Variants in STYXL2 observed in about 807,000 individuals in gnomAD.
The protein encoded by STYXL2 is serine/threonine/tyrosine interacting like 2, also known as serine/threonine/tyrosine-interacting-like protein 2.
In STYXL2, 44 loss-of-function variants were observed where a neutral mutation model predicts 52.4. The observed-to-expected ratio is 0.84, with a 90% CI of 0.66 to 1.08. STYXL2 has a LOEUF of 1.08. Ranked by LOEUF, STYXL2 falls within the 50% of genes least tolerant of loss-of-function variation. The pLI is 0.00. For missense variants in STYXL2, 1,604 were observed against 1,471.7 expected (o/e 1.09, Z -1.47); for synonymous variants, 604 against 586.9 (o/e 1.03, Z -0.42).
At chr1:167,116,942 G>A (rs1011603423) in intron 3 of STYXL2, among the ~76,000 whole-genome samples, 8 of 152,162 alleles carry the variant, frequency 5.3e-5, no homozygotes, top group Admixed American at 2.6e-4. Flanking sequence ...GAGCCACTAC[G>A]CCTGGCTGGT....
intron 2 of STYXL2, among the ~76,000 whole-genome samples, chr1:167,098,418 G>A (rs996910384): frequency 3.9e-5 from 6 of 152,080 alleles, no homozygotes; most frequent in African/African-American, 1.4e-4. Context: ...CAAGGCTGCA[G>A]TGAGCTATGA....
intron 5 of STYXL2, among the ~76,000 whole-genome samples, chr1:167,125,113 T>C (rs996251437): frequency 1.3e-5 from 2 of 152,238 alleles, no homozygotes; most frequent in Admixed American, 6.5e-5. Context: ...AGCAATCTTG[T>C]TAAGGATTTT....
chr1:167,101,312 A>G (rs529537746), intron 2 of STYXL2, among the ~76,000 whole-genome samples: 1 of 152,326 alleles, frequency 6.6e-6, no homozygotes, highest in African/African-American at 2.4e-5. Flanking sequence ...TGAAATTAAA[A>G]AGATTGACGA....
chr1:167,110,995 C>G (rs772481989), intron 2 of STYXL2, among the ~76,000 whole-genome samples: 13 of 152,332 alleles, frequency 8.5e-5, no homozygotes, highest in Middle Eastern at 3.4e-3. Flanking sequence ...CTCCATTGCT[C>G]TCTTGTTTTT....
chr1:167,117,270 A>G, intron 3 of STYXL2, 58 bp from the exon 4 acceptor site: 1 of 1,452,534 alleles, frequency 6.9e-7, no homozygotes, highest in South Asian at 1.2e-5. Flanking sequence ...CTCCCCAGGA[A>G]CAAGGAAGGC....
At chr1:167,095,506 T>C (rs1667266744) in intron 2 of STYXL2, among the ~76,000 whole-genome samples, 1 of 152,212 alleles carries the variant, frequency 6.6e-6, no homozygotes, top group East Asian at 1.9e-4. Flanking sequence ...GGCATCTTCC[T>C]GGAGAGTCCT....
In STYXL2 at chr1:167,099,103, G is replaced by T. The variant is rs563133980; in HGVS notation, c.110+4144G>T. Among the ~76,000 whole-genome samples the T allele has an allele frequency of 5.9e-4, 90 of 151,650 alleles. 2 individuals are homozygous for T. The South Asian group carries it at 8.2e-3, about 14-fold the overall frequency. On this transcript the variant is annotated intron_variant, in intron 2 of 5. Coordinates refer to ENST00000361200, the MANE Select transcript of STYXL2 (RefSeq NM_001080426.3). ...AAGAGACACTTCATAATGATCAAAG[G>T]TTCAATTCACCAAAAAGATAAAATA...
intron 2 of STYXL2, among the ~76,000 whole-genome samples, chr1:167,107,982 G>A (rs1193998264): frequency 6.6e-6 from 1 of 152,182 alleles, no homozygotes; most frequent in East Asian, 1.9e-4. Flanking sequence ...TAGGCAGAGA[G>A]GAACTTGGTG....
At position 167,128,645 on chromosome 1, in the gene STYXL2, C is replaced by T. The variant is rs781304571; in HGVS notation, c.*37C>T. ...TCTGAGAACACTGAAAGAAACCACT[C>T]ACGTTAGCATAGGGCTCAGGGCACA... On this transcript the variant is annotated 3_prime_UTR_variant, in exon 6 of 6. Transcript: ENST00000361200. 3 of 1,580,630 alleles carry T rather than the reference C, an allele frequency of 1.9e-6. No homozygotes were observed. The highest frequency in any genetic ancestry group is 1.2e-5 in the South Asian group (1 of 85,264).
intron 5 of STYXL2, among the ~76,000 whole-genome samples, 174 bp from the exon 6 acceptor site, chr1:167,125,613 G>A (rs541966384): frequency 2.0e-5 from 3 of 151,916 alleles, no homozygotes; most frequent in Non-Finnish European, 4.4e-5. Flanking sequence ...TCTGTAATAT[G>A]GGGTCAGTGA....
In STYXL2 at chr1:167,128,643, C is replaced by T. The variant is rs1368932235; in HGVS notation, c.*35C>T. On this transcript the variant is annotated 3_prime_UTR_variant, in exon 6 of 6. Transcript: ENST00000361200. Reference sequence around the variant, plus strand: ...AATCTGAGAACACTGAAAGAAACCACTCACGTTAGCATAGGGCTCAGGGCA... The same window carrying T: ...AATCTGAGAACACTGAAAGAAACCATTCACGTTAGCATAGGGCTCAGGGCA... 11 of 1,581,982 alleles carry T rather than the reference C, an allele frequency of 7.0e-6. No individual in the cohort carries two copies. Among genetic ancestry groups the T allele is most frequent in the South Asian group, 1.2e-5 (1 of 85,504 alleles).
chr1:167,103,688 T>C (rs1667447673), intron 2 of STYXL2, among the ~76,000 whole-genome samples: 1 of 152,186 alleles, frequency 6.6e-6, no homozygotes, highest in Non-Finnish European at 1.5e-5. Context: ...ATCTCACAGC[T>C]AGGCAAATTT....
intron 5 of STYXL2, among the ~76,000 whole-genome samples, chr1:167,121,569 A>ATGGC (rs554828032): frequency 6.6e-5 from 10 of 152,380 alleles, no homozygotes; most frequent in Non-Finnish European, 1.2e-4. Context: ...AGCGATAGCC[A>ATGGC]GCCTTGGAGG....
chr1:167,127,832 C>A lies in STYXL2; in HGVS notation c.2701C>A (p.Arg901Ser), dbSNP rs764858735. Residue 901 changes from arginine (R) to serine (S), a missense_variant, in exon 6 of 6, where the codon CGC becomes AGC. Physicochemically the swap from Arg to Ser is moderately radical, Grantham distance 110 (BLOSUM62 -1). Transcript: ENST00000361200. ...CATAGGGAGCTTCCGATATTCTTCC[C>A]GCAGTAATTCCCAGAAACCTGAAAC... is the stretch of plus-strand genomic sequence containing the variant. ...SAIGSFRYSSRSNSQKPETDT... is the reference protein window; with the variant it reads ...SAIGSFRYSSSSNSQKPETDT... 6.2e-7 allele frequency: 1 copy of A among 1,613,736 alleles called. No homozygotes were observed.
intron 4 of STYXL2, among the ~76,000 whole-genome samples, chr1:167,118,471 A>G (rs1212491469): frequency 6.6e-6 from 1 of 152,240 alleles, no homozygotes; most frequent in Non-Finnish European, 1.5e-5. Flanking sequence ...TCAGTTGCCT[A>G]GAACTTGATC....
At position 167,113,822 on chromosome 1, in the gene STYXL2, TG is replaced by T; in HGVS notation, c.205+21del. ...CAATGAAGGTAATGCAATCAAAAGC[TG>T]GGTGGAAGCAAAGTCCAGTGGTCAT... On this transcript the variant is annotated intron_variant, in intron 3 of 5. Transcript: ENST00000361200. 6.3e-7 allele frequency: 1 copy of T among 1,599,240 alleles called. No individual in the cohort carries two copies. Among genetic ancestry groups the T allele is most frequent in the Non-Finnish European group, 8.6e-7 (1 of 1,167,004 alleles).
rs1235434699 is a variant in STYXL2 at position 167,126,535 on chromosome 1, A to G, written c.1404A>G (p.Ala468=). ...CGGACCACGGCAGGAGGCGCCGCGC[A>G]GACTCGATGTCCTCGGAGAGCACCT... ...NRPDHGRRRR[A]DSMSSESTWD... Residue 468 remains alanine (A), a synonymous_variant, in exon 6 of 6, where the codon GCA becomes GCG. Coordinates refer to ENST00000361200, the MANE Select transcript of STYXL2 (RefSeq NM_001080426.3). The G allele has an allele frequency of 1.9e-6, 3 of 1,613,680 alleles. No individual in the cohort carries two copies. Among genetic ancestry groups the G allele is most frequent in the Non-Finnish European group, 8.5e-7 (1 of 1,179,912 alleles).
At position 167,096,215 on chromosome 1, in the gene STYXL2, G is replaced by A. The variant is rs534099604; in HGVS notation, c.110+1256G>A. Reference sequence around the variant, plus strand: ...GGAGGTTTCAGTGAGCCGAGATCGCGCCACTGAACTTCAGCCTGGGCGACA... The same window carrying A: ...GGAGGTTTCAGTGAGCCGAGATCGCACCACTGAACTTCAGCCTGGGCGACA... On this transcript the variant is annotated intron_variant, in intron 2 of 5. Coordinates refer to ENST00000361200, the MANE Select transcript of STYXL2 (RefSeq NM_001080426.3). 5.3e-5 allele frequency among the ~76,000 whole-genome samples: 8 copies of A among 152,078 alleles called. No homozygotes were observed. The South Asian group carries it at 1.2e-3, about 24-fold the overall frequency.
At position 167,113,824 on chromosome 1, in the gene STYXL2, G is replaced by A. The variant is rs1667668631; in HGVS notation, c.205+20G>A. On this transcript the variant is annotated intron_variant, in intron 3 of 5. Transcript: ENST00000361200. The stretch of plus-strand genomic sequence containing the variant: ...ATGAAGGTAATGCAATCAAAAGCTG[G>A]GTGGAAGCAAAGTCCAGTGGTCATC... 1 of 1,597,524 alleles carries A rather than the reference G, an allele frequency of 6.3e-7. No homozygotes were observed.
Sources: allele counts gnomAD v4.1 joint callset (sites outside exome capture counted in the v4.1 genomes callset), GRCh38; gene constraint gnomAD v4.1.1; transcripts MANE v1.5; gene names NCBI Gene and HGNC (gene_info 2026-07-23, HGNC 2026-07-21).